The following RSRC1 variants were observed in gnomAD, a reference collection of about 807,000 sequenced individuals.
The protein encoded by RSRC1 is serine/Arginine-related protein 53.
In RSRC1, 39 loss-of-function variants were observed where a neutral mutation model predicts 49.1. The ratio of observed to expected loss-of-function variants is 0.79; its 90% CI spans 0.61 to 1.04. The LOEUF (loss-of-function observed/expected upper bound fraction) is 1.04. RSRC1 is among the 50% of genes least tolerant of loss of function. The pLI is 0.00. For synonymous variants in RSRC1, 143 were observed against 130.8 expected (o/e 1.09, Z -0.63); for missense variants, 388 against 402.4 (o/e 0.96, Z 0.31).
At chr3:158,135,050 C>T (rs1251973098) in intron 3 of RSRC1, among the ~76,000 whole-genome samples, 1 of 151,944 alleles carries the variant, frequency 6.6e-6, no homozygotes, top group Non-Finnish European at 1.5e-5. Flanking sequence ...GCATAATACC[C>T]CTAAATTCCT....
At chr3:158,260,276 A>G (rs758526875) in intron 4 of RSRC1, among the ~76,000 whole-genome samples, 1 of 152,116 alleles carries the variant, frequency 6.6e-6, no homozygotes, top group Non-Finnish European at 1.5e-5. Context: ...TTAACAGTTG[A>G]TGAATCTTGC....
chr3:158,128,067 C>G (rs1051549317), intron 3 of RSRC1, among the ~76,000 whole-genome samples: 1 of 152,116 alleles, frequency 6.6e-6, no homozygotes, highest in Non-Finnish European at 1.5e-5. Flanking sequence ...TACTGCTGGC[C>G]CTCTGGTGCC....
At chr3:158,478,371 G>A (rs1462931049) in intron 7 of RSRC1, among the ~76,000 whole-genome samples, 1 of 151,426 alleles carries the variant, frequency 6.6e-6, no homozygotes, top group Non-Finnish European at 1.5e-5. Context: ...TTAAAATAAT[G>A]GTGATTTATT....
At chr3:158,337,514 A>G (rs1037165917) in intron 5 of RSRC1, among the ~76,000 whole-genome samples, 2 of 152,204 alleles carry the variant, frequency 1.3e-5, no homozygotes, top group African/African-American at 4.8e-5. Flanking sequence ...GGAAATGATG[A>G]TGAGTTCCTG....
At chr3:158,467,905 A>G (rs1465684900) in intron 7 of RSRC1, among the ~76,000 whole-genome samples, 1 of 152,194 alleles carries the variant, frequency 6.6e-6, no homozygotes, top group South Asian at 2.1e-4. Context: ...AAGCAACTCC[A>G]TTTGATCATA....
intron 7 of RSRC1, among the ~76,000 whole-genome samples, chr3:158,515,333 T>G (rs1356526294): frequency 1.7e-3 from 245 of 141,636 alleles, no homozygotes; most frequent in African/African-American, 6.4e-3. Flanking sequence ...GTCTGTAAAG[T>G]ATTTTATTTC....
rs762046279 is a variant in RSRC1 at position 158,122,250 on chromosome 3, G to T, written c.146G>T (p.Arg49Ile). 6.2e-7 allele frequency: 1 copy of T among 1,602,690 alleles called. No individual in the cohort carries two copies. The highest frequency in any genetic ancestry group is 8.5e-7 in the Non-Finnish European group (1 of 1,173,968). The change falls in exon 2 of 10, where the codon AGA becomes ATA. Residue 49 changes from arginine (R) to isoleucine (I), a missense_variant. Transcript: ENST00000611884. ...GGAAGGAAATCAAGATCAAAGTCAA[G>T]ATCTTGGTCCAGAGATCTTCAGCCT... ...KGGRKSRSKS[R>I]SWSRDLQPRS...
chr3:158,189,815 GCTTTCTTAC>G (rs749275225), intron 3 of RSRC1, among the ~76,000 whole-genome samples: 41 of 151,140 alleles, frequency 2.7e-4, no homozygotes, highest in Non-Finnish European at 5.3e-4. Flanking sequence ...CGTTTTTTCT[GCTTTCTTAC>G]CTTCTTTGGA....
intron 2 of RSRC1, among the ~76,000 whole-genome samples, chr3:158,123,195 C>T (rs1476136977): frequency 6.6e-6 from 1 of 152,142 alleles, no homozygotes; most frequent in Non-Finnish European, 1.5e-5. Context: ...TTAGTAGAGA[C>T]AGGGTTTCAC....
intron 3 of RSRC1, among the ~76,000 whole-genome samples, chr3:158,152,348 C>G (rs573117387): frequency 2.4e-4 from 36 of 152,202 alleles, no homozygotes; most frequent in African/African-American, 7.7e-4. Context: ...TTCCATGTCC[C>G]AAGAAACTCT....
At chr3:158,318,751 G>A (rs1728602245) in intron 5 of RSRC1, among the ~76,000 whole-genome samples, 2 of 152,198 alleles carry the variant, frequency 1.3e-5, no homozygotes, top group African/African-American at 4.8e-5. Context: ...AACTTGGGAA[G>A]GGCACCTCTC....
intron 8 of RSRC1, among the ~76,000 whole-genome samples, chr3:158,541,982 G>T (rs977165261): frequency 6.6e-6 from 1 of 152,046 alleles, no homozygotes; most frequent in Non-Finnish European, 1.5e-5. Flanking sequence ...AGTAAAGGTG[G>T]AATAAATTGG....
chr3:158,200,417 A>G (rs888659723), intron 3 of RSRC1, among the ~76,000 whole-genome samples: 2 of 152,152 alleles, frequency 1.3e-5, no homozygotes, highest in African/African-American at 4.8e-5. Flanking sequence ...GTTGTTTTAG[A>G]TGGCATACAG....
At chr3:158,147,773 G>T (rs1717238361) in intron 3 of RSRC1, among the ~76,000 whole-genome samples, 2 of 152,118 alleles carry the variant, frequency 1.3e-5, no homozygotes, top group Admixed American at 6.5e-5. Flanking sequence ...TATACATTTA[G>T]TTGAACAATA....
intron 6 of RSRC1, among the ~76,000 whole-genome samples, chr3:158,390,460 TTAAAA>T (rs1403480888): frequency 6.6e-6 from 1 of 152,192 alleles, no homozygotes; most frequent in Non-Finnish European, 1.5e-5. Context: ...AATAAATATC[TTAAAA>T]TAAAACATGA....
intron 6 of RSRC1, among the ~76,000 whole-genome samples, chr3:158,446,707 A>T (rs965042817): frequency 1.3e-5 from 2 of 152,016 alleles, no homozygotes; most frequent in African/African-American, 4.8e-5. Flanking sequence ...TATGATTTTT[A>T]AATACCAGTT....
At position 158,167,818 on chromosome 3, in the gene RSRC1, A is replaced by G. The variant is rs557072936; in HGVS notation, c.321-35254A>G. ...CCTGTGTACTTCAGTTTCTTCAAGC[A>G]TATGGACATAACCAAGACAGCCATG... On this transcript the variant is annotated intron_variant, in intron 3 of 9. Coordinates refer to ENST00000611884, the MANE Select transcript of RSRC1 (RefSeq NM_001271838.2). Among the ~76,000 whole-genome samples the G allele has an allele frequency of 2.4e-4, 36 of 152,338 alleles. 1 individual carries two copies. Among genetic ancestry groups the G allele is most frequent in the Admixed American group, 1.2e-3 (19 of 15,294 alleles).
intron 4 of RSRC1, among the ~76,000 whole-genome samples, chr3:158,264,137 T>C (rs962910812): frequency 1.2e-4 from 18 of 152,162 alleles, no homozygotes; most frequent in Admixed American, 7.2e-4. Context: ...AACCTTGATT[T>C]CCAGCCTTTC....
At chr3:158,293,513 C>A (rs926020825) in intron 4 of RSRC1, among the ~76,000 whole-genome samples, 4 of 151,986 alleles carry the variant, frequency 2.6e-5, no homozygotes, top group Non-Finnish European at 4.4e-5. Context: ...ATCTGAAAAT[C>A]TTTTCTGGGA....
Sources: gnomAD v4.1 joint callset for allele counts (sites outside exome capture counted in the v4.1 genomes callset) on GRCh38, gnomAD v4.1.1 for gene constraint, MANE v1.5 for transcripts, NCBI Gene and HGNC (gene_info 2026-07-23, HGNC 2026-07-21) for gene names.